Variants in LRRC8C observed in about 807,000 individuals in gnomAD.
LRRC8C encodes the protein volume-regulated anion channel subunit LRRC8C.
In LRRC8C, 20 loss-of-function variants were observed where a neutral mutation model predicts 55.3. The observed-to-expected ratio is 0.36, with a 90% CI of 0.25 to 0.53. The LOEUF is 0.53. LRRC8C is among the 20% of genes least tolerant of loss of function. LRRC8C has a pLI of 0.92. For synonymous variants in LRRC8C, 376 were observed against 360.7 expected, an observed-to-expected ratio of 1.04 and a Z score of -0.48; for missense variants, 659 against 951.4, an observed-to-expected ratio of 0.69 and a Z score of 4.04.
At chr1:89,702,028 G>A (rs1308407174) in intron 2 of LRRC8C, among the ~76,000 whole-genome samples, 2 of 152,082 alleles carry the variant, frequency 1.3e-5, no homozygotes, top group African/African-American at 4.8e-5. Flanking sequence ...AAAAAATATA[G>A]CGATTAACTG....
chr1:89,667,551 T>C (rs190188904), intron 1 of LRRC8C, among the ~76,000 whole-genome samples: 2 of 152,054 alleles, frequency 1.3e-5, no homozygotes, highest in Non-Finnish European at 2.9e-5. Flanking sequence ...CCTAGGGCAG[T>C]GGGAGGAAGA....
At chr1:89,677,941 C>T (rs937645401) in intron 1 of LRRC8C, among the ~76,000 whole-genome samples, 2 of 152,106 alleles carry the variant, frequency 1.3e-5, no homozygotes, top group Non-Finnish European at 2.9e-5. Context: ...TTTTTATTTC[C>T]ATCTTTTCAC....
rs573413058 is a variant in LRRC8C at position 89,648,773 on chromosome 1, A to G, written c.-5+15451A>G. The stretch of plus-strand genomic sequence containing the variant: ...CCCATCCTCTACTTCTCCCACAGCC[A>G]TTACTCTATTTTTGTCACAATAGAT... On this transcript the variant is annotated intron_variant, in intron 1 of 2. Coordinates refer to ENST00000370454, the MANE Select transcript of LRRC8C (RefSeq NM_032270.5). Among the ~76,000 whole-genome samples the G allele has an allele frequency of 8.5e-5, 13 of 152,278 alleles. No individual in the cohort carries two copies. In the South Asian group the frequency reaches 2.5e-3, roughly 29 times the overall value.
intron 1 of LRRC8C, among the ~76,000 whole-genome samples, chr1:89,635,375 T>A (rs1410743997): frequency 6.6e-6 from 1 of 152,198 alleles, no homozygotes; most frequent in Non-Finnish European, 1.5e-5. Flanking sequence ...TTTAATATGG[T>A]ACATTGCTAT....
intron 1 of LRRC8C, among the ~76,000 whole-genome samples, chr1:89,659,031 G>T (rs1414162992): frequency 1.4e-5 from 2 of 146,194 alleles, no homozygotes; most frequent in Admixed American, 1.4e-4. Flanking sequence ...GGAAATTTTA[G>T]GTTGTGTCTT....
the LRRC8C span, among the ~76,000 whole-genome samples, chr1:89,623,048 T>C: frequency 2.0e-5 from 3 of 152,084 alleles, no homozygotes; most frequent in African/African-American, 7.2e-5. Flanking sequence ...ATAAGCTGTT[T>C]TCATGTTGTG....
intron 1 of LRRC8C, among the ~76,000 whole-genome samples, chr1:89,659,235 T>G (rs910435287): frequency 5.9e-5 from 9 of 152,078 alleles, no homozygotes; most frequent in Non-Finnish European, 1.3e-4. Context: ...TATGAAACAC[T>G]TCTGTAAAGG....
At chr1:89,705,484 AAAT>A (rs1658454790) in intron 2 of LRRC8C, among the ~76,000 whole-genome samples, 1 of 152,004 alleles carries the variant, frequency 6.6e-6, no homozygotes, top group African/African-American at 2.4e-5. Flanking sequence ...TAAAATAAAT[AAAT>A]AAATGTTTTG....
rs1658783257 is a variant in LRRC8C, at chr1:89,715,203, A to G, written c.*221A>G. 9.1e-6 allele frequency: 3 copies of G among 329,052 alleles called. No homozygotes were observed. The East Asian group carries it at 1.5e-4, about 16-fold the overall frequency. The allele number at this position is 329,052 out of a possible 1,614,324, so 20.4% of individuals were successfully genotyped here. On this transcript the variant is annotated 3_prime_UTR_variant, in exon 3 of 3. Coordinates refer to ENST00000370454, the MANE Select transcript of LRRC8C (RefSeq NM_032270.5). ...TTGAAACACAATGTATCTATTATCT[A>G]CTGACAGAAAGAGATAGTTCCATTT...
At chr1:89,646,465 AG>A (rs1656617647) in intron 1 of LRRC8C, among the ~76,000 whole-genome samples, 1 of 152,168 alleles carries the variant, frequency 6.6e-6, no homozygotes, top group South Asian at 2.1e-4. Flanking sequence ...CAAGAATGCA[AG>A]GTTGGTTTAA....
Position 89,713,860 on chromosome 1 carries a change from T to A in LRRC8C, c.1290T>A (p.Leu430=). ...CCCATAATCGACTGGAATTGCCTCT[T>A]ATCATGCTCTCTGGCCTTCCAGACA... The part of the protein sequence containing the change: ...TNAHNRLELP[L]IMLSGLPDTV... The change falls in exon 3 of 3, where the codon CTT becomes CTA. Residue 430 remains leucine (L), a synonymous_variant. Coordinates refer to ENST00000370454, the MANE Select transcript of LRRC8C (RefSeq NM_032270.5). The surrounding 1 kb of genome is among the most constrained non-coding windows in gnomAD (Gnocchi z 5.2). 6.2e-7 allele frequency: 1 copy of A among 1,614,206 alleles called. No homozygotes were observed.
chr1:89,628,804 G>A (rs1336284343), upstream of LRRC8C, among the ~76,000 whole-genome samples: 1 of 152,198 alleles, frequency 6.6e-6, no homozygotes. Flanking sequence ...GAAGATTAGA[G>A]TAAAATGTTT....
chr1:89,699,411 T>G lies in LRRC8C; in HGVS notation c.138+12800T>G, dbSNP rs569064266. 8.5e-5 allele frequency among the ~76,000 whole-genome samples: 13 copies of G among 152,288 alleles called. 2 individuals carry two copies. Among genetic ancestry groups the G allele is most frequent in the African/African-American group, 3.1e-4 (13 of 41,558 alleles). ...GATGTGTCAATGTAGGTTCATCGAT[T>G]GTAACAAATGTACCACTGTGGTTGA... On this transcript the variant is annotated intron_variant, in intron 2 of 2. Transcript: ENST00000370454.
At chr1:89,701,290 C>T (rs1658315301) in intron 2 of LRRC8C, among the ~76,000 whole-genome samples, 1 of 152,134 alleles carries the variant, frequency 6.6e-6, no homozygotes, top group South Asian at 2.1e-4. Context: ...TCCTGGCTAA[C>T]ACGGTGAAAC....
At chr1:89,646,127 A>G (rs1656609257) in intron 1 of LRRC8C, among the ~76,000 whole-genome samples, 1 of 152,124 alleles carries the variant, frequency 6.6e-6, no homozygotes, top group Non-Finnish European at 1.5e-5. Flanking sequence ...TGAAATCGAA[A>G]TCAGATGAGT....
intron 2 of LRRC8C, among the ~76,000 whole-genome samples, chr1:89,693,151 C>T (rs1658069655): frequency 6.6e-6 from 1 of 152,182 alleles, no homozygotes; most frequent in South Asian, 2.1e-4. Context: ...TTAACCCAAT[C>T]ACTAGGAGCG....
chr1:89,667,920 C>T (rs1363041381), intron 1 of LRRC8C, among the ~76,000 whole-genome samples: 2 of 151,966 alleles, frequency 1.3e-5, no homozygotes, highest in Non-Finnish European at 2.9e-5. Context: ...AGTGCAAAGT[C>T]ATAATAATAA....
chr1:89,704,024 C>T (rs1191033944), intron 2 of LRRC8C, among the ~76,000 whole-genome samples: 2 of 151,882 alleles, frequency 1.3e-5, no homozygotes, highest in Admixed American at 6.6e-5. Context: ...AAGCTGGTAG[C>T]GTAATGTTAA....
intron 1 of LRRC8C, among the ~76,000 whole-genome samples, chr1:89,636,064 G>A (rs1350556731): frequency 1.3e-5 from 2 of 152,122 alleles, no homozygotes; most frequent in Admixed American, 6.5e-5. Context: ...TGTCAAATTC[G>A]GACTCTGCCG....
Sources: gnomAD v4.1 joint callset for allele counts (sites outside exome capture counted in the v4.1 genomes callset) on GRCh38, gnomAD v4.1.1 for gene constraint, Gnocchi (gnomAD v3.1) non-coding constraint, MANE v1.5 for transcripts, NCBI Gene and HGNC (gene_info 2026-07-23, HGNC 2026-07-21) for gene names.